The following IFT122 variants were observed in gnomAD, a reference collection of about 807,000 sequenced individuals.
IFT122 encodes intraflagellar transport protein 122 homolog.
A neutral mutation model predicts 161.6 loss-of-function variants in IFT122; 118 were observed. The observed-to-expected ratio is 0.73, with a 90% CI of 0.63 to 0.85. IFT122 has a LOEUF of 0.85. IFT122 is among the 40% of genes least tolerant of loss of function. The pLI is 0.00. For synonymous variants in IFT122, 550 were observed against 602.4 expected, an observed-to-expected ratio of 0.91 and a Z score of 1.27; for missense variants, 1,381 against 1,579.6, an observed-to-expected ratio of 0.87 and a Z score of 2.13.
At chr3:129,451,834 C>A in intron 2 of IFT122, 80 bp from the exon 3 acceptor site, 2 of 1,226,372 alleles carry the variant, frequency 1.6e-6, no homozygotes, top group Non-Finnish European at 2.4e-6. Context: ...GTTATAAAAA[C>A]AAAAATAGCA....
chr3:129,517,083 CAG>C (rs1432384187), intron 26 of IFT122, among the ~76,000 whole-genome samples: 2 of 144,004 alleles, frequency 1.4e-5, no homozygotes, highest in South Asian at 2.3e-4. Context: ...CACACACACA[CAG>C]AGACTGCCCC....
chr3:129,463,295 A>G (rs567893501), intron 5 of IFT122: 3 of 427,470 alleles, frequency 7.0e-6, no homozygotes, highest in East Asian at 5.0e-5. Flanking sequence ...GTTACCACTT[A>G]GTGTCATATC....
chr3:129,461,354 C>T, intron 5 of IFT122, 50 bp downstream of exon 5: 1 of 1,311,222 alleles, frequency 7.6e-7, no homozygotes, highest in South Asian at 1.2e-5. Flanking sequence ...AAAATCTGGG[C>T]TAAAAATGCT....
chr3:129,502,347 G>C (rs1332851060), intron 19 of IFT122, among the ~76,000 whole-genome samples: 1 of 152,172 alleles, frequency 6.6e-6, no homozygotes, highest in Non-Finnish European at 1.5e-5. Flanking sequence ...TCTGAGAGAT[G>C]GAAATAATCA....
chr3:129,459,684 T>TCTTCCTTCCTTC (rs546625729), intron 4 of IFT122, among the ~76,000 whole-genome samples: 6 of 39,766 alleles, frequency 1.5e-4, no homozygotes, highest in East Asian at 9.9e-4. Context: ...CTCCCTCCCT[T>TCTTCCTTCCTTC]CTTCCTTCCT....
At chr3:129,457,657 C>T (rs547558007) in intron 3 of IFT122, among the ~76,000 whole-genome samples, 3 of 150,858 alleles carry the variant, frequency 2.0e-5, no homozygotes, top group Non-Finnish European at 4.4e-5. Flanking sequence ...AAAAGGAGTA[C>T]ATTTTTGAGA....
chr3:129,488,020 G>T, intron 15 of IFT122: 1 of 608,690 alleles, frequency 1.6e-6, no homozygotes, highest in Non-Finnish European at 2.9e-6. Flanking sequence ...GGAAGGAGGG[G>T]AGGATGGGCA....
rs752676257 is a variant in IFT122, at chr3:129,455,413, C to T, written c.194-3186C>T. Among the ~76,000 whole-genome samples, 8 of 152,162 alleles carry T rather than the reference C, an allele frequency of 5.3e-5. No homozygotes were observed. In the South Asian group the frequency reaches 6.2e-4, roughly 12 times the overall value. ...ATCTCAAACTCCTGACCTCGTGATC[C>T]GCCCACCTCGGCCTCCCAAAGTGCT... On this transcript the variant is annotated intron_variant, in intron 3 of 29. Coordinates refer to ENST00000348417, the MANE Select transcript of IFT122 (RefSeq NM_052989.3).
chr3:129,463,339 G>A (rs2076378587), intron 5 of IFT122: 2 of 512,228 alleles, frequency 3.9e-6, no homozygotes, highest in Non-Finnish European at 7.1e-6. Context: ...TCCAAACCCT[G>A]GTAACCACAA....
At chr3:129,465,365 GCC>G (rs946320148) in intron 7 of IFT122, among the ~76,000 whole-genome samples, 1 of 151,464 alleles carries the variant, frequency 6.6e-6, no homozygotes, top group African/African-American at 2.4e-5. Flanking sequence ...CGTCCCTAAA[GCC>G]TAGAGATACA....
intron 23 of IFT122, among the ~76,000 whole-genome samples, chr3:129,511,072 G>A (rs575344646): frequency 2.6e-4 from 39 of 152,292 alleles, no homozygotes; most frequent in Non-Finnish European, 1.3e-4. Flanking sequence ...GTGAGTGGTA[G>A]TTTGTGGTTC....
intron 7 of IFT122, 71 bp downstream of exon 7, chr3:129,464,852 C>T: frequency 6.6e-7 from 1 of 1,524,486 alleles, no homozygotes; most frequent in Non-Finnish European, 9.1e-7. Flanking sequence ...TTCCTGAGGT[C>T]TCCCTACATT....
At chr3:129,471,507 C>A (rs1483239831) in intron 9 of IFT122, among the ~76,000 whole-genome samples, 1 of 152,190 alleles carries the variant, frequency 6.6e-6, no homozygotes, top group Non-Finnish European at 1.5e-5. Flanking sequence ...AATAACCACA[C>A]TGCAGTGGGA....
intron 15 of IFT122, 168 bp downstream of exon 15, chr3:129,483,850 C>T (rs1196768402): frequency 4.2e-6 from 3 of 721,488 alleles, no homozygotes; most frequent in African/African-American, 3.5e-5. Flanking sequence ...GTCTCCACTC[C>T]TTGCAACCTG....
In IFT122 at chr3:129,499,927, A is replaced by G. The variant is rs767568235; in HGVS notation, c.2234A>G (p.Lys745Arg). 4 of 1,614,194 alleles carry G rather than the reference A, an allele frequency of 2.5e-6. No homozygotes were observed. The highest frequency in any genetic ancestry group is 2.2e-5 in the East Asian group (1 of 44,892). Residue 745 changes from lysine (K) to arginine (R), a missense_variant, in exon 19 of 30, where the codon AAA becomes AGA. Transcript: ENST00000348417. ...GATTTCCTTGGATCTGGAGACCCCA[A>G]AGAAACAAAGATGCTAATCACCAAA... ...AKDFLGSGDP[K>R]ETKMLITKQA...
At chr3:129,461,046 G>A in intron 4 of IFT122, 182 bp from the exon 5 acceptor site, 2 of 1,027,376 alleles carry the variant, frequency 1.9e-6, no homozygotes, top group South Asian at 1.3e-5. Context: ...CAGTGGGTGA[G>A]GAGAAGGAGA....
intron 9 of IFT122, among the ~76,000 whole-genome samples, chr3:129,473,548 A>G (rs891727769): frequency 1.3e-5 from 2 of 152,216 alleles, no homozygotes; most frequent in African/African-American, 2.4e-5. Context: ...TCAAAACTCC[A>G]TGTTTTCAGT....
chr3:129,451,939 T>TACTTCAGCCCCTC lies in IFT122; in HGVS notation c.136_148dup (p.Lys50ThrfsTer29). The TACTTCAGCCCCTC allele has an allele frequency of 6.2e-7, 1 of 1,614,076 alleles. No homozygotes were observed. Among genetic ancestry groups the TACTTCAGCCCCTC allele is most frequent in the Non-Finnish European group, 8.5e-7 (1 of 1,179,896 alleles). On this transcript the variant is annotated frameshift_variant, in exon 3 of 30. Transcript: ENST00000348417. LOFTEE classifies it high-confidence loss of function. ...GTTTATGACACCTCTGATGGCACCT[T>TACTTCAGCCCCTC]ACTTCAGCCCCTCAAGGGACACAAA...
chr3:129,518,960 C>T (rs1330166078), intron 27 of IFT122, 147 bp from the exon 28 acceptor site: 2 of 759,148 alleles, frequency 2.6e-6, no homozygotes, highest in Non-Finnish European at 2.4e-6. Flanking sequence ...CTTCTGATTC[C>T]TTGGCCTGAG....
Sources: allele counts gnomAD v4.1 joint callset (sites outside exome capture counted in the v4.1 genomes callset), GRCh38; gene constraint gnomAD v4.1.1; transcripts MANE v1.5; gene names NCBI Gene and HGNC (gene_info 2026-07-23, HGNC 2026-07-21).